The following SPIC variants were observed in gnomAD, a reference collection of about 807,000 sequenced individuals.
SPIC encodes the protein Spi-C transcription factor.
Under a neutral mutation model 16.7 loss-of-function variants are expected in SPIC, and 9 were observed. The observed-to-expected ratio is 0.54, with a 90% CI of 0.33 to 0.94. The LOEUF (loss-of-function observed/expected upper bound fraction) is 0.94. SPIC is among the 40% of genes least tolerant of loss of function. The pLI is 0.03. For synonymous variants in SPIC, 97 were observed against 102.9 expected, an observed-to-expected ratio of 0.94 and a Z score of 0.35; for missense variants, 241 against 285.8, an observed-to-expected ratio of 0.84 and a Z score of 1.13.
chr12:101,481,716 G>A (rs1295772849), intron 4 of SPIC, among the ~76,000 whole-genome samples: 3 of 151,112 alleles, frequency 2.0e-5, no homozygotes, highest in Admixed American at 6.6e-5. Flanking sequence ...GTTTTACCAT[G>A]TTGGCCAGGC....
chr12:101,477,130 A>G lies in SPIC; in HGVS notation c.3+223A>G, dbSNP rs1872981718. On this transcript the variant is annotated intron_variant, in intron 2 of 5. Coordinates refer to ENST00000551346, the MANE Select transcript of SPIC (RefSeq NM_152323.3). ...ACAATTCATAGGTTCTGTTTCATTG[A>G]AGATATTTCCTTGGCCCTTTTTTTC... Among the ~76,000 whole-genome samples the G allele has an allele frequency of 3.3e-5, 5 of 152,336 alleles. No homozygotes were observed. In the South Asian group the frequency reaches 1.0e-3, roughly 32 times the overall value.
rs754886924 is a variant in SPIC at position 101,486,337 on chromosome 12, A to C, written c.320-7A>C. 1 of 1,596,444 alleles carries C rather than the reference A, an allele frequency of 6.3e-7. No individual in the cohort carries two copies. Among genetic ancestry groups the C allele is most frequent in the Admixed American group, 1.8e-5 (1 of 56,742 alleles). On this transcript the variant is annotated splice_region_variant and splice_polypyrimidine_tract_variant and intron_variant, in intron 5 of 5. Coordinates refer to ENST00000551346, the MANE Select transcript of SPIC (RefSeq NM_152323.3). The stretch of plus-strand genomic sequence containing the variant: ...GTGGAGTTTGACCTTGTTTCCCTTC[A>C]TTTTAGGCAGGAAGAAGCTCCGACT...
intron 3 of SPIC, 146 bp downstream of exon 3, chr12:101,477,797 A>G (rs1325721560): frequency 2.5e-5 from 16 of 652,668 alleles, no homozygotes; most frequent in African/African-American, 5.5e-5. Flanking sequence ...TGGGCAGATC[A>G]CTTAAGACCA....
intron 3 of SPIC, among the ~76,000 whole-genome samples, chr12:101,478,048 T>C (rs544819833): frequency 4.6e-5 from 7 of 150,546 alleles, no homozygotes; most frequent in South Asian, 4.2e-4. Context: ...TTTTTTTTTT[T>C]TGAGACGAAG....
At chr12:101,478,296 G>T (rs576871541) in intron 3 of SPIC, among the ~76,000 whole-genome samples, 2 of 152,112 alleles carry the variant, frequency 1.3e-5, no homozygotes, top group South Asian at 2.1e-4. Flanking sequence ...CTCCCAAAGC[G>T]CTGGGATTAC....
At chr12:101,483,103 T>TTTTC (rs1555209357) in intron 5 of SPIC, among the ~76,000 whole-genome samples, 1 of 151,164 alleles carries the variant, frequency 6.6e-6, no homozygotes, top group African/African-American at 2.4e-5. Context: ...TTTTTTTTTT[T>TTTTC]CTGAGACAGA....
chr12:101,478,973 C>A (rs866606871), intron 3 of SPIC, among the ~76,000 whole-genome samples: 11 of 151,382 alleles, frequency 7.3e-5, no homozygotes, highest in African/African-American at 2.7e-4. Flanking sequence ...CCTGTCTCTA[C>A]AAAAAATACA....
At chr12:101,477,459 T>C (rs76202035) in intron 2 of SPIC, 99 bp from the exon 3 acceptor site, 41,741 of 1,145,030 alleles carry the variant, frequency 0.036, 908 homozygotes, top group Middle Eastern at 0.051. Flanking sequence ...AGTGTCAAGA[T>C]TGAGAAACCC....
rs1373833495 is a variant in SPIC at position 101,482,887 on chromosome 12, A to C, written c.306A>C (p.Gln102His). 3 of 1,613,860 alleles carry C rather than the reference A, an allele frequency of 1.9e-6. No individual in the cohort carries two copies. In the South Asian group the frequency reaches 3.3e-5, roughly 18 times the overall value. ...NQLVQPTLLQ[Q>H]KGGKGRKKLR... Reference sequence around the variant, plus strand: ...TGGTACAACCCACTCTTCTCCAGCAAAAGGGGGGAAAAGGTACGTTGATCC... The same window carrying C: ...TGGTACAACCCACTCTTCTCCAGCACAAGGGGGGAAAAGGTACGTTGATCC... The change falls in exon 5 of 6, where the codon CAA becomes CAC. Residue 102 changes from glutamine (Q) to histidine (H), a missense_variant. Gln to His is a conservative substitution (Grantham distance 24). Coordinates refer to ENST00000551346, the MANE Select transcript of SPIC (RefSeq NM_152323.3).
At chr12:101,476,163 TTTTG>T (rs1165173848) in intron 1 of SPIC, among the ~76,000 whole-genome samples, 1 of 152,244 alleles carries the variant, frequency 6.6e-6, no homozygotes, top group African/African-American at 2.4e-5. Context: ...GTGGGTTGGT[TTTTG>T]TTTGTTTGTT....
At chr12:101,482,404 T>C (rs574900309) in intron 4 of SPIC, among the ~76,000 whole-genome samples, 2 of 152,254 alleles carry the variant, frequency 1.3e-5, no homozygotes, top group East Asian at 3.9e-4. Flanking sequence ...TTGTTTTCAT[T>C]ACTTATTTTA....
intron 4 of SPIC, among the ~76,000 whole-genome samples, chr12:101,482,369 C>A (rs1395528560): frequency 1.3e-5 from 2 of 152,066 alleles, no homozygotes; most frequent in South Asian, 2.1e-4. Flanking sequence ...CGTGCTCGGC[C>A]CTTTCTTGTC....
At chr12:101,485,728 C>T (rs781566881) in intron 5 of SPIC, among the ~76,000 whole-genome samples, 6 of 152,198 alleles carry the variant, frequency 3.9e-5, no homozygotes, top group Non-Finnish European at 7.3e-5. Context: ...TGAGGCTTCT[C>T]TTCGAAACTG....
At chr12:101,481,495 C>T in intron 4 of SPIC, among the ~76,000 whole-genome samples, 1 of 151,792 alleles carries the variant, frequency 6.6e-6, no homozygotes, top group East Asian at 1.9e-4. Context: ...AGGTGCCCAC[C>T]ACCACCCACA....
Position 101,482,820 on chromosome 12 carries a change from G to A in SPIC, c.239G>A (p.Gly80Glu). Residue 80 changes from glycine to glutamate, a missense_variant, in exon 5 of 6, where the codon GGA becomes GAA. Transcript: ENST00000551346. ...INSAADFYFE[G>E]NIHQSLQNIT... is the part of the protein sequence containing the mutation. ...AGTGCTGCGGACTTCTATTTTGAAG[G>A]AAATATTCATCAATCTCTGCAGAAC... The A allele has an allele frequency of 6.2e-7, 1 of 1,613,930 alleles. No individual in the cohort carries two copies. Among genetic ancestry groups the A allele is most frequent in the East Asian group, 2.2e-5 (1 of 44,882 alleles).
At chr12:101,476,426 A>G (rs1872959187) in intron 1 of SPIC, among the ~76,000 whole-genome samples, 1 of 152,220 alleles carries the variant, frequency 6.6e-6, no homozygotes, top group Non-Finnish European at 1.5e-5. Context: ...CTCAGAAGGC[A>G]ATATAACACC....
chr12:101,486,200 A>G, intron 5 of SPIC, 144 bp from the exon 6 acceptor site: 2 of 717,506 alleles, frequency 2.8e-6, no homozygotes, highest in Non-Finnish European at 4.6e-6. Context: ...AAATGATGCC[A>G]TCATGCATTC....
At chr12:101,480,893 C>T (rs1565831792) in intron 4 of SPIC, among the ~76,000 whole-genome samples, 1 of 152,224 alleles carries the variant, frequency 6.6e-6, no homozygotes, top group South Asian at 2.1e-4. Context: ...TCCACCTCCA[C>T]TTAGGGTTGC....
At position 101,477,806 on chromosome 12, in the gene SPIC, C is replaced by T. The variant is rs150303404; in HGVS notation, c.97+155C>T. 3.1e-3 allele frequency among the ~76,000 whole-genome samples: 468 copies of T among 152,236 alleles called. 4 individuals are homozygous for T. The highest frequency in any genetic ancestry group is 0.011 in the African/African-American group (443 of 41,548). ...CCAAGGTGGGCAGATCACTTAAGAC[C>T]AGGAATTCAAGACCTGCCTGGCCAA... On this transcript the variant is annotated intron_variant, in intron 3 of 5. Transcript: ENST00000551346.
Sources: allele counts gnomAD v4.1 joint callset (sites outside exome capture counted in the v4.1 genomes callset), GRCh38; gene constraint gnomAD v4.1.1; transcripts MANE v1.5; gene names NCBI Gene and HGNC (gene_info 2026-07-23, HGNC 2026-07-21).